Variants in FAM83D observed in about 807,000 individuals in gnomAD.
FAM83D encodes protein FAM83D.
FAM83D carries 26 observed loss-of-function variants against 25.4 expected under a neutral mutation model. The ratio of observed to expected loss-of-function variants is 1.02; its 90% CI spans 0.75 to 1.42. The LOEUF is 1.42. Among genes scored for constraint, FAM83D ranks in the 40% most tolerant of loss-of-function variants. FAM83D has a pLI of 0.00. For synonymous variants in FAM83D, 310 were observed against 318.5 expected (o/e 0.97, Z 0.28); for missense variants, 740 against 758.1 (o/e 0.98, Z 0.28).
Position 38,952,805 on chromosome 20 carries a change from A to G in FAM83D, c.*285A>G, listed in dbSNP as rs1214873696. On this transcript the variant is annotated 3_prime_UTR_variant, in exon 4 of 4. Transcript: ENST00000619850. ...ATGATGTTTTGGTCAATGACAGACCACGTATATGTTGGCAGTCTCATAAGA... is the reference window on the plus strand; with the variant it reads ...ATGATGTTTTGGTCAATGACAGACCGCGTATATGTTGGCAGTCTCATAAGA... The G allele has an allele frequency of 4.7e-6, 2 of 421,382 alleles. No individual in the cohort carries two copies. Among genetic ancestry groups the G allele is most frequent in the African/African-American group, 4.0e-5 (2 of 49,932 alleles). 26.1% of individuals were successfully genotyped at this position (421,382 alleles called of 1,614,324 possible). A position where few individuals can be genotyped will look rare whatever the true frequency, so the allele number is the denominator to read the frequency against.
At chr20:38,935,457 G>A (rs756213163) in intron 1 of FAM83D, among the ~76,000 whole-genome samples, 3 of 152,162 alleles carry the variant, frequency 2.0e-5, no homozygotes, top group Non-Finnish European at 4.4e-5. Context: ...TTGTTTGTTT[G>A]TTTGAGACAA....
intron 1 of FAM83D, among the ~76,000 whole-genome samples, chr20:38,927,806 G>A (rs1358462594): frequency 2.0e-5 from 3 of 152,194 alleles, no homozygotes; most frequent in Admixed American, 2.0e-4. Flanking sequence ...GCCCCCTGCC[G>A]CTTTTTCTAC....
chr20:38,941,921 A>G, intron 1 of FAM83D, 38 bp from the exon 2 acceptor site: 1 of 1,609,360 alleles, frequency 6.2e-7, no homozygotes. Flanking sequence ...GTGGTGTCCT[A>G]TAAGCTTATC....
intron 2 of FAM83D, among the ~76,000 whole-genome samples, chr20:38,945,575 A>G (rs182464395): frequency 5.1e-4 from 78 of 152,286 alleles, no homozygotes; most frequent in African/African-American, 1.6e-3. Context: ...TTACAGACTT[A>G]TACATTTCCC....
intron 1 of FAM83D, among the ~76,000 whole-genome samples, chr20:38,939,404 C>T (rs917226076): frequency 3.3e-5 from 5 of 152,118 alleles, no homozygotes; most frequent in Admixed American, 2.0e-4. Flanking sequence ...GGCTGGAGTG[C>T]AGTGGTGCGA....
rs750308612 is a variant in FAM83D at position 38,926,927 on chromosome 20, T to C, written c.483+2T>C. The stretch of plus-strand genomic sequence containing the variant: ...CAGCAGCTCCGCTCGGCGCGAGAGG[T>C]GAGCGGCCCTCCAGGGCCCTGGGTC... On this transcript the variant is annotated splice_donor_variant, in intron 1 of 3. Transcript: ENST00000619850. LOFTEE classifies it high-confidence loss of function. 1.7e-4 allele frequency: 240 copies of C among 1,447,300 alleles called. 1 individual carries two copies. The highest frequency in any genetic ancestry group is 2.0e-4 in the Non-Finnish European group (219 of 1,106,548). The allele number at this position is 1,447,300 out of a possible 1,614,324, so 89.7% of individuals were successfully genotyped here. A position where few individuals can be genotyped will look rare whatever the true frequency, so the allele number is the denominator to read the frequency against.
intron 1 of FAM83D, among the ~76,000 whole-genome samples, chr20:38,936,687 A>G (rs2145802670): frequency 1.3e-5 from 2 of 152,248 alleles, no homozygotes; most frequent in East Asian, 3.9e-4. Context: ...CAGCCCTTGT[A>G]CTTGTTTAAG....
At chr20:38,945,448 AATAAT>A (rs1380875107) in intron 2 of FAM83D, among the ~76,000 whole-genome samples, 5 of 152,142 alleles carry the variant, frequency 3.3e-5, no homozygotes, top group African/African-American at 9.7e-5. Context: ...AAGTTACAAA[AATAAT>A]ATAAGAAATT....
intron 2 of FAM83D, among the ~76,000 whole-genome samples, chr20:38,943,634 T>C (rs1327637492): frequency 1.3e-5 from 2 of 152,266 alleles, no homozygotes; most frequent in African/African-American, 4.8e-5. Context: ...GCTTGGTCAC[T>C]TTCATGGAAA....
chr20:38,928,096 G>C (rs983520822), intron 1 of FAM83D, among the ~76,000 whole-genome samples: 3 of 152,184 alleles, frequency 2.0e-5, no homozygotes, highest in African/African-American at 7.2e-5. Context: ...ATAGAGTGTC[G>C]TGGCAGACAC....
chr20:38,938,503 G>C (rs894930380), intron 1 of FAM83D, among the ~76,000 whole-genome samples: 1 of 152,250 alleles, frequency 6.6e-6, no homozygotes, highest in African/African-American at 2.4e-5. Flanking sequence ...TGGGAAATCA[G>C]AGAGGCAAGC....
rs965313914 is a variant in FAM83D, at chr20:38,952,777, A to C, written c.*257A>C. 1 of 496,700 alleles carries C rather than the reference A, an allele frequency of 2.0e-6. No individual in the cohort carries two copies. The highest frequency in any genetic ancestry group is 3.6e-6 in the Non-Finnish European group (1 of 281,024). 30.8% of individuals were successfully genotyped at this position (496,700 alleles called of 1,614,324 possible). A position where few individuals can be genotyped will look rare whatever the true frequency, so the allele number is the denominator to read the frequency against. On this transcript the variant is annotated 3_prime_UTR_variant, in exon 4 of 4. Coordinates refer to ENST00000619850, the MANE Select transcript of FAM83D (RefSeq NM_030919.3). ...CACAATTTTAATAGTCATGCACTACATAATGATGTTTTGGTCAATGACAGA... is the reference window on the plus strand; with the variant it reads ...CACAATTTTAATAGTCATGCACTACCTAATGATGTTTTGGTCAATGACAGA...
intron 3 of FAM83D, among the ~76,000 whole-genome samples, chr20:38,949,356 C>T (rs1042395201): frequency 6.6e-6 from 1 of 151,966 alleles, no homozygotes; most frequent in Non-Finnish European, 1.5e-5. Context: ...GATGGTGTTT[C>T]GCCACGTTGG....
chr20:38,929,790 T>TAAAAA (rs763008692), intron 1 of FAM83D, among the ~76,000 whole-genome samples: 1 of 128,768 alleles, frequency 7.8e-6, no homozygotes, highest in East Asian at 2.2e-4. Context: ...CCTGTCTCTT[T>TAAAAA]AAAAAAAAAA....
At chr20:38,938,394 A>G (rs2085687400) in intron 1 of FAM83D, among the ~76,000 whole-genome samples, 1 of 152,154 alleles carries the variant, frequency 6.6e-6, no homozygotes. Context: ...CTCCTGTCTC[A>G]TTAGACTGCG....
chr20:38,952,565 A>G lies in FAM83D; in HGVS notation c.*45A>G. The G allele has an allele frequency of 6.4e-7, 1 of 1,559,628 alleles. No individual in the cohort carries two copies. The highest frequency in any genetic ancestry group is 1.4e-5 in the African/African-American group (1 of 73,164). ...CTGGTTTCTTCCAGGCTTACAGTGG[A>G]CATCATCAGCTTCCTGCTTTAAAAA... On this transcript the variant is annotated 3_prime_UTR_variant, in exon 4 of 4. Transcript: ENST00000619850.
intron 1 of FAM83D, among the ~76,000 whole-genome samples, chr20:38,930,751 G>A (rs920154897): frequency 6.6e-6 from 1 of 151,974 alleles, no homozygotes; most frequent in African/African-American, 2.4e-5. Context: ...AGGTTCAAGC[G>A]ATTCTCCTAC....
chr20:38,942,051 CCTT>C lies in FAM83D; in HGVS notation c.579_581del (p.Leu194del). The C allele has an allele frequency of 4.3e-6, 7 of 1,614,204 alleles. No homozygotes were observed. Among genetic ancestry groups the C allele is most frequent in the African/African-American group, 1.3e-5 (1 of 75,048 alleles). On this transcript the variant is annotated inframe_deletion, in exon 2 of 4. Coordinates refer to ENST00000619850, the MANE Select transcript of FAM83D (RefSeq NM_030919.3). ...GGAAACAGGGAGTTGCTGTGTATATCCTTCTGGACCAGGCTCTCCTCTCTCAAT... is the reference window on the plus strand; with the variant it reads ...GGAAACAGGGAGTTGCTGTGTATATCCTGGACCAGGCTCTCCTCTCTCAAT...
At position 38,936,843 on chromosome 20, in the gene FAM83D, T is replaced by C. The variant is rs1199031267; in HGVS notation, c.484-5116T>C. Among the ~76,000 whole-genome samples the C allele has an allele frequency of 2.6e-5, 4 of 152,140 alleles. No individual in the cohort carries two copies. The East Asian group carries it at 7.7e-4, about 29-fold the overall frequency. On this transcript the variant is annotated intron_variant, in intron 1 of 3. Coordinates refer to ENST00000619850, the MANE Select transcript of FAM83D (RefSeq NM_030919.3). Reference sequence around the variant, plus strand: ...GAAGGCAAGCAGAAAAGAGTTCAGTTCTATGTGGCAAGTAACATAAACAGG... The same window carrying C: ...GAAGGCAAGCAGAAAAGAGTTCAGTCCTATGTGGCAAGTAACATAAACAGG...
Sources: gnomAD v4.1 joint callset for allele counts (sites outside exome capture counted in the v4.1 genomes callset) on GRCh38, gnomAD v4.1.1 for gene constraint, MANE v1.5 for transcripts, NCBI Gene and HGNC (gene_info 2026-07-23, HGNC 2026-07-21) for gene names.